The following COL9A3 variants were observed in gnomAD, a reference collection of about 807,000 sequenced individuals.
COL9A3 encodes the protein collagen type IX alpha 3 chain.
COL9A3 carries 82 observed loss-of-function variants against 110.2 expected under a neutral mutation model. That is an observed-to-expected ratio of 0.74 (90% CI 0.62 to 0.89). The LOEUF (loss-of-function observed/expected upper bound fraction) is 0.89. COL9A3 is among the 40% of genes least tolerant of loss of function. The pLI, the probability that COL9A3 is intolerant of heterozygous loss-of-function variation, is 0.00. For missense variants in COL9A3, 1,066 were observed against 981.3 expected (o/e 1.09, Z -1.15); for synonymous variants, 494 against 403.8 (o/e 1.22, Z -2.68).
rs535368151 is a variant in COL9A3 at position 62,825,503 on chromosome 20, G to C, written c.631-314G>C. 4.1e-5 allele frequency: 21 copies of C among 510,474 alleles called. No individual in the cohort carries two copies. In the East Asian group the frequency reaches 5.9e-4, roughly 14 times the overall value. 31.6% of individuals were successfully genotyped at this position (510,474 alleles called of 1,614,324 possible). On this transcript the variant is annotated intron_variant, in intron 12 of 31. Coordinates refer to ENST00000649368, the MANE Select transcript of COL9A3 (RefSeq NM_001853.4). ...TCTGGGATGCCCTTTAGCGTGGCTGGAGTGATCAGATGAGGAGACCCCAGG... is the reference window on the plus strand; with the variant it reads ...TCTGGGATGCCCTTTAGCGTGGCTGCAGTGATCAGATGAGGAGACCCCAGG...
chr20:62,826,409 G>A, intron 14 of COL9A3, 152 bp downstream of exon 14: 1 of 786,272 alleles, frequency 1.3e-6, no homozygotes, highest in Admixed American at 2.6e-5. Context: ...GCCTTGCTCT[G>A]GGCCCCTGTT....
chr20:62,816,529 C>T (rs921768539), upstream of COL9A3, among the ~76,000 whole-genome samples: 1 of 152,230 alleles, frequency 6.6e-6, no homozygotes, highest in Non-Finnish European at 1.5e-5. Context: ...GCAGGCAGCG[C>T]TGGACAGTGA....
intron 3 of COL9A3, among the ~76,000 whole-genome samples, chr20:62,818,921 G>A (rs1991025775): frequency 6.6e-6 from 1 of 152,214 alleles, no homozygotes; most frequent in Admixed American, 6.5e-5. Flanking sequence ...GGGCCCACTG[G>A]GGGTCCGACA....
chr20:62,834,164 G>A (rs6011410), intron 26 of COL9A3, among the ~76,000 whole-genome samples: 37,565 of 151,816 alleles, frequency 0.25, 5,494 homozygotes, highest in African/African-American at 0.41. Flanking sequence ...ACGAGCCACC[G>A]CCCCTGGCCT....
chr20:62,835,450 C>T (rs1244505403), intron 26 of COL9A3, among the ~76,000 whole-genome samples: 4 of 152,232 alleles, frequency 2.6e-5, no homozygotes, highest in Non-Finnish European at 5.9e-5. Flanking sequence ...AGCTCTCAAA[C>T]CTAATCACCT....
chr20:62,826,378 G>A lies in COL9A3; in HGVS notation c.738+121G>A, dbSNP rs1205583434. ...TGAAGCAGCCGGCACCCTGGCTCTG[G>A]CCATCGCCACTGTGGCGCAGGCCTT... On this transcript the variant is annotated intron_variant, in intron 14 of 31. Transcript: ENST00000649368. The A allele has an allele frequency of 7.3e-6, 7 of 955,608 alleles. No homozygotes were observed. In the Admixed American group the frequency reaches 9.0e-5, roughly 12 times the overall value. 59.2% of individuals were successfully genotyped at this position (955,608 alleles called of 1,614,324 possible). A position where few individuals can be genotyped will look rare whatever the true frequency, so the allele number is the denominator to read the frequency against.
Position 62,826,375 on chromosome 20 carries a change from C to T in COL9A3, c.738+118C>T, listed in dbSNP as rs45583132. The T allele has an allele frequency of 0.034, 32,999 of 965,440 alleles. 1,119 individuals carry two copies. Among genetic ancestry groups the T allele is most frequent in the East Asian group, 0.16 (6,191 of 38,150 alleles). The allele number at this position is 965,440 out of a possible 1,614,324, so 59.8% of individuals were successfully genotyped here. The stretch of plus-strand genomic sequence containing the variant: ...CTCTGAAGCAGCCGGCACCCTGGCT[C>T]TGGCCATCGCCACTGTGGCGCAGGC... On this transcript the variant is annotated intron_variant, in intron 14 of 31. Coordinates refer to ENST00000649368, the MANE Select transcript of COL9A3 (RefSeq NM_001853.4).
chr20:62,827,192 C>G (rs376440149), intron 15 of COL9A3, 49 bp from the exon 16 acceptor site: 2 of 1,603,710 alleles, frequency 1.2e-6, no homozygotes, highest in Non-Finnish European at 1.7e-6. Flanking sequence ...TACTCTCCGA[C>G]CAACTCCATG....
chr20:62,826,065 C>T (rs2063549685), intron 13 of COL9A3, 139 bp from the exon 14 acceptor site: 2 of 1,118,046 alleles, frequency 1.8e-6, no homozygotes, highest in African/African-American at 1.6e-5. Flanking sequence ...TGCCCCCTCC[C>T]TCTGGGGGAC....
intron 29 of COL9A3, 172 bp from the exon 30 acceptor site, chr20:62,836,911 G>A: frequency 1.1e-6 from 1 of 909,894 alleles, no homozygotes; most frequent in South Asian, 1.4e-5. Context: ...GGGGTTGGGG[G>A]TCCTTTCTAG....
chr20:62,825,802 TC>T lies in COL9A3; in HGVS notation c.631-11del. The T allele has an allele frequency of 6.4e-7, 1 of 1,551,924 alleles. No homozygotes were observed. Among genetic ancestry groups the T allele is most frequent in the Non-Finnish European group, 8.7e-7 (1 of 1,147,488 alleles). ...CCAGACTGGGCCGCTGACCACCCTA[TC>T]CCCTCTGTTTCAGGGTGACCCTGGC... On this transcript the variant is annotated splice_polypyrimidine_tract_variant and intron_variant, in intron 12 of 31. Transcript: ENST00000649368.
At chr20:62,839,082 G>A (rs749614727) in intron 31 of COL9A3, among the ~76,000 whole-genome samples, 10 of 152,034 alleles carry the variant, frequency 6.6e-5, no homozygotes, top group Admixed American at 2.0e-4. Context: ...AAAATGAGCC[G>A]GGCGTGGTGG....
chr20:62,822,257 C>A, intron 9 of COL9A3, 93 bp downstream of exon 9: 1 of 811,506 alleles, frequency 1.2e-6, no homozygotes, highest in East Asian at 2.4e-5. Context: ...GCTCCATGCC[C>A]CTCCGAGATC....
chr20:62,826,720 G>C (rs772130308), intron 14 of COL9A3, 47 bp from the exon 15 acceptor site: 2 of 1,606,356 alleles, frequency 1.2e-6, no homozygotes, highest in Non-Finnish European at 8.5e-7. Context: ...GGGGATGCCA[G>C]CCAGGCCTCA....
At chr20:62,819,127 C>T (rs1035754455) in intron 3 of COL9A3, 95 bp from the exon 4 acceptor site, 6 of 1,250,044 alleles carry the variant, frequency 4.8e-6, no homozygotes, top group Non-Finnish European at 7.0e-6. Context: ...TATGGTTGGG[C>T]TGGGGGGAAG....
At chr20:62,839,610 C>T (rs2063659186) in intron 31 of COL9A3, among the ~76,000 whole-genome samples, 1 of 151,934 alleles carries the variant, frequency 6.6e-6, no homozygotes, top group Non-Finnish European at 1.5e-5. Context: ...TTCTCCTCTC[C>T]TCTCCTCCAC....
chr20:62,816,969 G>T, upstream of COL9A3: 1 of 694,838 alleles, frequency 1.4e-6, no homozygotes, highest in Non-Finnish European at 1.9e-6. Context: ...TGTGCAGGCG[G>T]GGGCGGGAAG....
intron 15 of COL9A3, 125 bp downstream of exon 15, chr20:62,826,945 C>T (rs1252764749): frequency 1.3e-5 from 14 of 1,070,876 alleles, no homozygotes; most frequent in African/African-American, 1.3e-4. Flanking sequence ...TCCCTGGACA[C>T]CCTGGGAGGG....
intron 4 of COL9A3, among the ~76,000 whole-genome samples, chr20:62,819,714 T>G (rs886920528): frequency 1.3e-5 from 2 of 152,168 alleles, no homozygotes; most frequent in African/African-American, 4.8e-5. Context: ...GTGCCTCCGT[T>G]GCTGGCTTCC....
Sources: allele counts gnomAD v4.1 joint callset (sites outside exome capture counted in the v4.1 genomes callset), GRCh38; gene constraint gnomAD v4.1.1; transcripts MANE v1.5; gene names NCBI Gene and HGNC (gene_info 2026-07-23, HGNC 2026-07-21).